CCDC185: variants seen among roughly 807,000 people sequenced by gnomAD.
The protein encoded by CCDC185 is coiled-coil domain containing 185, also known as coiled-coil domain-containing protein 185.
For synonymous variants in CCDC185, 381 were observed against 348.1 expected, an observed-to-expected ratio of 1.09 and a Z score of -1.05; for missense variants, 982 against 825.3, an observed-to-expected ratio of 1.19 and a Z score of -2.33.
In CCDC185 at chr1:223,395,002, G is replaced by C; in HGVS notation, c.1527G>C (p.Leu509=). The C allele has an allele frequency of 6.2e-7, 1 of 1,614,062 alleles. No homozygotes were observed. Among genetic ancestry groups the C allele is most frequent in the East Asian group, 2.2e-5 (1 of 44,858 alleles). Residue 509 remains leucine, a synonymous_variant, in exon 1 of 1, where the codon CTG becomes CTC. Transcript: ENST00000366875. The part of the protein sequence containing the change: ...RKMRKRILVE[L]ADEKIRQARS... ...TGCGCAAAAGAATTCTGGTGGAGCT[G>C]GCGGATGAGAAGATCCGACAGGCCA...
Position 223,394,493 on chromosome 1 carries a change from C to T in CCDC185, c.1018C>T (p.Pro340Ser), listed in dbSNP as rs770808438. 7.6e-6 allele frequency: 12 copies of T among 1,581,520 alleles called. No individual in the cohort carries two copies. Among genetic ancestry groups the T allele is most frequent in the South Asian group, 4.6e-5 (4 of 87,334 alleles). Residue 340 changes from proline (P) to serine (S), a missense_variant, in exon 1 of 1, where the codon CCC (proline) becomes TCC (serine). By Grantham distance (74) the Pro-to-Ser change is moderately conservative (BLOSUM62 -1). Transcript: ENST00000366875. The part of the protein sequence containing the change: ...LRRDSQRKNV[P>S]PGESRWKEQP... ...GCGGGACAGCCAGAGGAAGAACGTG[C>T]CCCCGGGGGAAAGCCGGTGGAAGGA...
Position 223,395,299 on chromosome 1 carries a change from G to A in CCDC185, c.1824G>A (p.Met608Ile), listed in dbSNP as rs1334378099. The A allele has an allele frequency of 6.5e-7, 1 of 1,536,644 alleles. No individual in the cohort carries two copies. Among genetic ancestry groups the A allele is most frequent in the Non-Finnish European group, 8.7e-7 (1 of 1,146,806 alleles). Reference sequence around the variant, plus strand: ...CTCCCAACAGCTCCCTTGATCAGATGGTACTAGAGGCCCAGCTCCGTGCCT... The same window carrying A: ...CTCCCAACAGCTCCCTTGATCAGATAGTACTAGAGGCCCAGCTCCGTGCCT... ...RAPPNSSLDQ[M>I]VLEAQLRACQ... The change falls in exon 1 of 1, where the codon ATG (methionine) becomes ATA (isoleucine). Residue 608 changes from methionine (M) to isoleucine (I), a missense_variant. Met to Ile is a conservative substitution (Grantham distance 10). Transcript: ENST00000366875.
At position 223,393,971 on chromosome 1, in the gene CCDC185, G is replaced by C; in HGVS notation, c.496G>C (p.Ala166Pro). 1 of 1,614,014 alleles carries C rather than the reference G, an allele frequency of 6.2e-7. No homozygotes were observed. ...PLSGTFRVEK[A>P]QGGDQWAVPL... is the part of the protein sequence containing the mutation. ...GAGTGGCACATTCAGGGTAGAAAAGGCACAGGGTGGAGACCAGTGGGCAGT... is the reference window on the plus strand; with the variant it reads ...GAGTGGCACATTCAGGGTAGAAAAGCCACAGGGTGGAGACCAGTGGGCAGT... Residue 166 changes from alanine to proline, a missense_variant, in exon 1 of 1, where the codon GCA (alanine) becomes CCA (proline). Physicochemically the swap from Ala to Pro is conservative, Grantham distance 27. Coordinates refer to ENST00000366875, the MANE Select transcript of CCDC185 (RefSeq NM_152610.3). This position sits in a 1 kb window ranked among gnomAD's most constrained non-coding sequence, Gnocchi z 4.8.
rs1273457779 is a variant in CCDC185, at chr1:223,394,095, T to A, written c.620T>A (p.Val207Glu). ...SQKFKRHSAC[V>E]CAQKRDSSDQ... is the part of the protein sequence containing the mutation. ...AAGTTCAAGAGGCACTCAGCCTGCG[T>A]GTGCGCCCAGAAGAGAGACAGCAGC... is the stretch of plus-strand genomic sequence containing the variant. Residue 207 changes from valine to glutamate, a missense_variant, in exon 1 of 1, where the codon GTG becomes GAG. Coordinates refer to ENST00000366875, the MANE Select transcript of CCDC185 (RefSeq NM_152610.3). 3 of 1,614,018 alleles carry A rather than the reference T, an allele frequency of 1.9e-6. No homozygotes were observed. The Admixed American group carries it at 5.0e-5, about 27-fold the overall frequency.
chr1:223,393,492 A>C lies in CCDC185; in HGVS notation c.17A>C (p.His6Pro), dbSNP rs1200215033. MAGFSHFSQPPYRDLW... is the reference protein window; with the variant it reads MAGFSPFSQPPYRDLW... Reference sequence around the variant, plus strand: ...GAGGGAGGGATGGCAGGCTTCAGCCACTTCTCCCAGCCGCCCTACCGGGAT... The same window carrying C: ...GAGGGAGGGATGGCAGGCTTCAGCCCCTTCTCCCAGCCGCCCTACCGGGAT... Residue 6 changes from histidine (H) to proline (P), a missense_variant, in exon 1 of 1, where the codon CAC becomes CCC. His to Pro is a moderately conservative substitution (Grantham distance 77, BLOSUM62 -2). Transcript: ENST00000366875. This position sits in a 1 kb window ranked among gnomAD's most constrained non-coding sequence, Gnocchi z 4.8. 5.3e-6 allele frequency: 8 copies of C among 1,501,124 alleles called. No homozygotes were observed. The highest frequency in any genetic ancestry group is 1.4e-5 in the African/African-American group (1 of 69,424). 93.0% of individuals were successfully genotyped at this position (1,501,124 alleles called of 1,614,324 possible).
chr1:223,393,844 G>A lies in CCDC185; in HGVS notation c.369G>A (p.Pro123=), dbSNP rs757264824. ...TGTKPRPAWQ[P]QTQLPPQRPQ... ...CCAAGCCCCGCCCGGCTTGGCAGCC[G>A]CAGACCCAGCTGCCACCCCAGCGGC... The change falls in exon 1 of 1, where the codon CCG becomes CCA. Residue 123 remains proline (P), a synonymous_variant. Coordinates refer to ENST00000366875, the MANE Select transcript of CCDC185 (RefSeq NM_152610.3). The surrounding 1 kb of genome is among the most constrained non-coding windows in gnomAD (Gnocchi z 4.8). 8.3e-5 allele frequency: 132 copies of A among 1,599,908 alleles called. No individual in the cohort carries two copies. Among genetic ancestry groups the A allele is most frequent in the Non-Finnish European group, 1.1e-4 (125 of 1,174,362 alleles).
Position 223,393,568 on chromosome 1 carries a change from G to C in CCDC185, c.93G>C (p.Leu31=), listed in dbSNP as rs1348549573. 1 of 1,549,524 alleles carries C rather than the reference G, an allele frequency of 6.5e-7. No individual in the cohort carries two copies. The highest frequency in any genetic ancestry group is 8.7e-7 in the Non-Finnish European group (1 of 1,150,544). ...GAGAACGAGAGTCCACGCAGCGGCT[G>C]GGCGGGCAGAGGTCCGGAGCCGACT... The part of the protein sequence containing the change: ...PGGERESTQR[L]GGQRSGADST... Residue 31 remains leucine (L), a synonymous_variant, in exon 1 of 1, where the codon CTG becomes CTC. Coordinates refer to ENST00000366875, the MANE Select transcript of CCDC185 (RefSeq NM_152610.3). The surrounding 1 kb of genome is among the most constrained non-coding windows in gnomAD (Gnocchi z 4.8).
Position 223,393,425 on chromosome 1 carries a change from C to G in CCDC185, c.-51C>G. On this transcript the variant is annotated 5_prime_UTR_variant, in exon 1 of 1. Transcript: ENST00000366875. This position sits in a 1 kb window ranked among gnomAD's most constrained non-coding sequence, Gnocchi z 4.8. Reference sequence around the variant, plus strand: ...GCAGGGCGGGTGTCTGCAGCGTCCTCGGGAGGTCTCAGGCCCCTTGGGCAG... The same window carrying G: ...GCAGGGCGGGTGTCTGCAGCGTCCTGGGGAGGTCTCAGGCCCCTTGGGCAG... 7.1e-7 allele frequency: 1 copy of G among 1,405,218 alleles called. No homozygotes were observed. The highest frequency in any genetic ancestry group is 9.3e-7 in the Non-Finnish European group (1 of 1,080,728). The allele number at this position is 1,405,218 out of a possible 1,614,324, so 87.0% of individuals were successfully genotyped here. A position where few individuals can be genotyped will look rare whatever the true frequency, so the allele number is the denominator to read the frequency against.
Position 223,395,155 on chromosome 1 carries a change from C to A in CCDC185, c.1680C>A (p.Gly560=). ...AGGAGGAAAAGTGTCACATTGAGGG[C>A]ATCAAGGAGGCCATTAAGAAAAAGG... ...AEKEEKCHIE[G]IKEAIKKKEQ... is the part of the protein sequence containing the mutation. Residue 560 remains glycine, a synonymous_variant, in exon 1 of 1, where the codon GGC becomes GGA. Transcript: ENST00000366875. 6.2e-7 allele frequency: 1 copy of A among 1,614,038 alleles called. No homozygotes were observed. The highest frequency in any genetic ancestry group is 2.2e-5 in the East Asian group (1 of 44,872).
Position 223,395,285 on chromosome 1 carries a change from T to C in CCDC185, c.1810T>C (p.Ser604Pro). The C allele has an allele frequency of 6.4e-7, 1 of 1,559,218 alleles. No homozygotes were observed. Among genetic ancestry groups the C allele is most frequent in the Non-Finnish European group, 8.6e-7 (1 of 1,157,992 alleles). The change falls in exon 1 of 1, where the codon TCC becomes CCC. Residue 604 changes from serine to proline, a missense_variant. Ser to Pro is a moderately conservative substitution (Grantham distance 74). Coordinates refer to ENST00000366875, the MANE Select transcript of CCDC185 (RefSeq NM_152610.3). ...RREERAPPNS[S>P]LDQMVLEAQL... ...AGAGGAGAGAGCGCCTCCCAACAGCTCCCTTGATCAGATGGTACTAGAGGC... is the reference window on the plus strand; with the variant it reads ...AGAGGAGAGAGCGCCTCCCAACAGCCCCCTTGATCAGATGGTACTAGAGGC...
Position 223,394,232 on chromosome 1 carries a change from T to C in CCDC185, c.757T>C (p.Ser253Pro), listed in dbSNP as rs991530032. The change falls in exon 1 of 1, where the codon TCC becomes CCC. Residue 253 changes from serine (S) to proline (P), a missense_variant. Transcript: ENST00000366875. ...GAGCAAGCTGGAAGAGGTGGTGGTG[T>C]CCTCCCAGGACCAGCAGATTGTGGC... Reference protein sequence around the residue: ...LKSKLEEVVVSSQDQQIVALV... With the variant: ...LKSKLEEVVVPSQDQQIVALV... The C allele has an allele frequency of 3.7e-6, 6 of 1,613,780 alleles. No homozygotes were observed. Among genetic ancestry groups the C allele is most frequent in the Non-Finnish European group, 5.1e-6 (6 of 1,179,994 alleles).
chr1:223,394,120 C>A lies in CCDC185; in HGVS notation c.645C>A (p.Ser215Arg), dbSNP rs1359764881. The A allele has an allele frequency of 1.2e-6, 2 of 1,613,992 alleles. No individual in the cohort carries two copies. Among genetic ancestry groups the A allele is most frequent in the Non-Finnish European group, 1.7e-6 (2 of 1,180,040 alleles). ...ACVCAQKRDS[S>R]DQVESLASRD... ...TGTGCGCCCAGAAGAGAGACAGCAGCGACCAGGTTGAGTCATTAGCCAGCC... is the reference window on the plus strand; with the variant it reads ...TGTGCGCCCAGAAGAGAGACAGCAGAGACCAGGTTGAGTCATTAGCCAGCC... Residue 215 changes from serine (S) to arginine (R), a missense_variant, in exon 1 of 1, where the codon AGC becomes AGA. Physicochemically the swap from Ser to Arg is moderately radical, Grantham distance 110 (BLOSUM62 -1). Transcript: ENST00000366875.
In CCDC185 at chr1:223,393,712, G is replaced by A; in HGVS notation, c.237G>A (p.Leu79=). 3 of 1,571,886 alleles carry A rather than the reference G, an allele frequency of 1.9e-6. No homozygotes were observed. The highest frequency in any genetic ancestry group is 1.7e-6 in the Non-Finnish European group (2 of 1,162,636). Residue 79 remains leucine (L), a synonymous_variant, in exon 1 of 1, where the codon CTG becomes CTA. Transcript: ENST00000366875. The surrounding 1 kb of genome is among the most constrained non-coding windows in gnomAD (Gnocchi z 4.8). ...RPRRRGCSDS[L]RGSRSLSDVA... ...GCAGGCGCGGGTGCTCAGATTCACT[G>A]CGGGGCAGCCGAAGCCTGAGCGATG...
rs192124620 is a variant in CCDC185, at chr1:223,394,644, G to C, written c.1169G>C (p.Arg390Pro). Residue 390 changes from arginine (R) to proline (P), a missense_variant, in exon 1 of 1, where the codon CGG (arginine) becomes CCG (proline). By Grantham distance (103) the Arg-to-Pro change is moderately radical. Coordinates refer to ENST00000366875, the MANE Select transcript of CCDC185 (RefSeq NM_152610.3). ...CAGGAGAAGATGCTACGGAACCTCC[G>C]GGAGCAGCACAGCCTGCAGCTGCAG... ...REQEKMLRNL[R>P]EQHSLQLQRR... 13 of 1,613,160 alleles carry C rather than the reference G, an allele frequency of 8.1e-6. No individual in the cohort carries two copies. The highest frequency in any genetic ancestry group is 2.7e-5 in the African/African-American group (2 of 74,908).
At position 223,394,949 on chromosome 1, in the gene CCDC185, G is replaced by T. The variant is rs141787925; in HGVS notation, c.1474G>T (p.Ala492Ser). ...EEQLQQARWR[A>S]GESEEQRKMR... ...GCAGTTGCAGCAGGCCAGGTGGCGC[G>T]CAGGGGAGTCAGAGGAACAGAGGAA... Residue 492 changes from alanine (A) to serine (S), a missense_variant, in exon 1 of 1, where the codon GCA becomes TCA. Physicochemically the swap from Ala to Ser is moderately conservative, Grantham distance 99. Coordinates refer to ENST00000366875, the MANE Select transcript of CCDC185 (RefSeq NM_152610.3). 1.2e-5 allele frequency: 19 copies of T among 1,614,154 alleles called. No individual in the cohort carries two copies. Among genetic ancestry groups the T allele is most frequent in the Admixed American group, 1.7e-5 (1 of 60,026 alleles).
rs767044026 is a variant in CCDC185, at chr1:223,395,114, A to C, written c.1639A>C (p.Lys547Gln). 1.9e-6 allele frequency: 3 copies of C among 1,614,176 alleles called. No homozygotes were observed. Among genetic ancestry groups the C allele is most frequent in the South Asian group, 2.2e-5 (2 of 91,084 alleles). Residue 547 changes from lysine to glutamine, a missense_variant, in exon 1 of 1, where the codon AAA (lysine) becomes CAA (glutamine). Lys to Gln is a moderately conservative substitution (Grantham distance 53). Coordinates refer to ENST00000366875, the MANE Select transcript of CCDC185 (RefSeq NM_152610.3). ...HLREKNHHIL[K>Q]LKAEKEEKCH... is the part of the protein sequence containing the mutation. ...GAGGGAGAAAAACCACCACATCCTG[A>C]AACTGAAAGCCGAGAAGGAGGAAAA...
chr1:223,393,679 G>A lies in CCDC185; in HGVS notation c.204G>A (p.Pro68=), dbSNP rs1669602449. 4 of 1,572,026 alleles carry A rather than the reference G, an allele frequency of 2.5e-6. No individual in the cohort carries two copies. The highest frequency in any genetic ancestry group is 4.5e-5 in the East Asian group (2 of 44,290). ...TGCACCCGCACTGTTCGTTCACCCC[G>A]CGGCCTCGCAGGCGCGGGTGCTCAG... The part of the protein sequence containing the change: ...CWLHPHCSFT[P]RPRRRGCSDS... Residue 68 remains proline, a synonymous_variant, in exon 1 of 1, where the codon CCG becomes CCA. Transcript: ENST00000366875. This position sits in a 1 kb window ranked among gnomAD's most constrained non-coding sequence, Gnocchi z 4.8.
rs1292957945 is a variant in CCDC185, at chr1:223,393,634, C to T, written c.159C>T (p.Ser53=). The T allele has an allele frequency of 2.6e-6, 4 of 1,527,282 alleles. No homozygotes were observed. The highest frequency in any genetic ancestry group is 2.8e-5 in the African/African-American group (2 of 71,278). 94.6% of individuals were successfully genotyped at this position (1,527,282 alleles called of 1,614,324 possible). Residue 53 remains serine, a synonymous_variant, in exon 1 of 1, where the codon AGC becomes AGT. Coordinates refer to ENST00000366875, the MANE Select transcript of CCDC185 (RefSeq NM_152610.3). The surrounding 1 kb of genome is among the most constrained non-coding windows in gnomAD (Gnocchi z 4.8). ...CSRAGTPGAE[S]EAGACWLHPH... ...GGGCCGGGACTCCGGGTGCGGAGAG[C>T]GAAGCTGGGGCGTGCTGGCTGCACC... is the stretch of plus-strand genomic sequence containing the variant.
rs1558298671 is a variant in CCDC185 at position 223,394,104 on chromosome 1, A to G, written c.629A>G (p.Gln210Arg). ...FKRHSACVCA[Q>R]KRDSSDQVES... The stretch of plus-strand genomic sequence containing the variant: ...AGGCACTCAGCCTGCGTGTGCGCCC[A>G]GAAGAGAGACAGCAGCGACCAGGTT... Residue 210 changes from glutamine (Q) to arginine (R), a missense_variant, in exon 1 of 1, where the codon CAG becomes CGG. By Grantham distance (43) the Gln-to-Arg change is conservative (BLOSUM62 1). Transcript: ENST00000366875. 4 of 1,614,104 alleles carry G rather than the reference A, an allele frequency of 2.5e-6. No homozygotes were observed. The highest frequency in any genetic ancestry group is 3.4e-6 in the Non-Finnish European group (4 of 1,180,026).
Sources: gnomAD v4.1 joint callset for allele counts on GRCh38, gnomAD v4.1.1 for gene constraint, Gnocchi (gnomAD v3.1) non-coding constraint, MANE v1.5 for transcripts, NCBI Gene and HGNC (gene_info 2026-07-23, HGNC 2026-07-21) for gene names.